The following DTD1 variants were observed in gnomAD, a reference collection of about 807,000 sequenced individuals.
DTD1 encodes the protein D-tyrosyl-tRNA deacylase 1 homolog.
DTD1 carries 13 observed loss-of-function variants against 25.6 expected under a neutral mutation model. The observed-to-expected ratio is 0.51, with a 90% CI of 0.33 to 0.81. DTD1 has a LOEUF of 0.81. Ranked by LOEUF, DTD1 falls within the 30% of genes least tolerant of loss-of-function variation. The pLI is 0.02. For missense variants in DTD1, 193 were observed against 266.4 expected (o/e 0.72, Z 1.92); for synonymous variants, 110 against 103.6 (o/e 1.06, Z -0.37).
chr20:18,655,225 G>A (rs1041462462), intron 4 of DTD1, among the ~76,000 whole-genome samples: 1 of 152,172 alleles, frequency 6.6e-6, no homozygotes, highest in Non-Finnish European at 1.5e-5. Context: ...AGAAGGTTAT[G>A]AACTCTCTTC....
intron 3 of DTD1, among the ~76,000 whole-genome samples, chr20:18,607,311 C>T (rs1353587584): frequency 6.6e-6 from 1 of 151,982 alleles, no homozygotes; most frequent in Non-Finnish European, 1.5e-5. Flanking sequence ...CAGGTGTGTG[C>T]CACCACACCT....
intron 3 of DTD1, among the ~76,000 whole-genome samples, chr20:18,608,999 G>GA (rs1354016374): frequency 1.3e-5 from 2 of 152,012 alleles, no homozygotes; most frequent in African/African-American, 4.8e-5. Flanking sequence ...AAATACATAA[G>GA]AAAAAAATTT....
At chr20:18,607,709 CTTCT>C (rs1045204727) in intron 3 of DTD1, among the ~76,000 whole-genome samples, 2 of 151,572 alleles carry the variant, frequency 1.3e-5, no homozygotes, top group Non-Finnish European at 2.9e-5. Flanking sequence ...TCTTTTTCTT[CTTCT>C]TTCTTTCTTT....
intron 3 of DTD1, among the ~76,000 whole-genome samples, chr20:18,601,263 G>T (rs1190176678): frequency 6.6e-6 from 1 of 152,118 alleles, no homozygotes; most frequent in Non-Finnish European, 1.5e-5. Flanking sequence ...GCTTTGGGAA[G>T]CCGAGGAGGT....
chr20:18,705,550 G>C (rs1250505346), intron 4 of DTD1, among the ~76,000 whole-genome samples: 1 of 152,188 alleles, frequency 6.6e-6, no homozygotes, highest in South Asian at 2.1e-4. Flanking sequence ...AGCTGGTAGT[G>C]GTGGGTGAGT....
intron 3 of DTD1, among the ~76,000 whole-genome samples, chr20:18,609,737 C>T (rs1339689019): frequency 6.6e-6 from 1 of 152,138 alleles, no homozygotes; most frequent in African/African-American, 2.4e-5. Flanking sequence ...ATGAACAGAA[C>T]ATTCCCACCT....
At chr20:18,629,038 C>T (rs2060771749) in intron 4 of DTD1, among the ~76,000 whole-genome samples, 1 of 146,046 alleles carries the variant, frequency 6.8e-6, no homozygotes, top group Admixed American at 7.1e-5. Context: ...CTCTTGTTGC[C>T]CAGGCTGGAG....
At chr20:18,740,311 T>G (rs2061272364) in intron 4 of DTD1, among the ~76,000 whole-genome samples, 1 of 151,666 alleles carries the variant, frequency 6.6e-6, no homozygotes. Context: ...CACATTTTGT[T>G]TTTTTTTTGT....
intron 2 of DTD1, among the ~76,000 whole-genome samples, 160 bp downstream of exon 2, chr20:18,593,981 G>A (rs991827140): frequency 7.2e-5 from 11 of 152,130 alleles, no homozygotes; most frequent in Non-Finnish European, 1.6e-4. Flanking sequence ...AGAGAAGACC[G>A]AGGAAGAATG....
intron 4 of DTD1, among the ~76,000 whole-genome samples, chr20:18,675,806 A>G (rs56086240): frequency 4.1e-5 from 3 of 72,770 alleles, no homozygotes; most frequent in Non-Finnish European, 1.1e-4. Flanking sequence ...ACCTATGTGT[A>G]TATTTACACA....
chr20:18,607,894 A>G (rs2060667761), intron 3 of DTD1, among the ~76,000 whole-genome samples: 3 of 151,850 alleles, frequency 2.0e-5, no homozygotes, highest in Admixed American at 1.3e-4. Context: ...TTGTATTTTT[A>G]GTAGAGAAGG....
intron 3 of DTD1, among the ~76,000 whole-genome samples, chr20:18,618,175 T>C (rs1053601697): frequency 7.2e-5 from 11 of 152,188 alleles, no homozygotes; most frequent in Non-Finnish European, 1.5e-4. Flanking sequence ...GACTACCATA[T>C]TTCTCCTAGC....
chr20:18,688,080 T>C lies in DTD1; in HGVS notation c.478-56020T>C, dbSNP rs571738329. ...TAAAACGGAATATCTCTTTATTTCTTTTAATTAATAAAACCCATGCATGGT... is the reference window on the plus strand; with the variant it reads ...TAAAACGGAATATCTCTTTATTTCTCTTAATTAATAAAACCCATGCATGGT... On this transcript the variant is annotated intron_variant, in intron 4 of 5. Transcript: ENST00000377452. Among the ~76,000 whole-genome samples the C allele has an allele frequency of 2.6e-5, 4 of 152,342 alleles. No individual in the cohort carries two copies. In the South Asian group the frequency reaches 8.3e-4, roughly 32 times the overall value.
chr20:18,728,231 A>T (rs972346807), intron 4 of DTD1, among the ~76,000 whole-genome samples: 5 of 151,922 alleles, frequency 3.3e-5, no homozygotes, highest in African/African-American at 1.2e-4. Flanking sequence ...GGCTAGCTAA[A>T]AGGTCCCCTG....
At chr20:18,723,753 A>C (rs2061213944) in intron 4 of DTD1, among the ~76,000 whole-genome samples, 1 of 152,234 alleles carries the variant, frequency 6.6e-6, no homozygotes, top group South Asian at 2.1e-4. Flanking sequence ...GAGGAAAAGG[A>C]TTTTAACCTA....
intron 4 of DTD1, among the ~76,000 whole-genome samples, chr20:18,644,129 C>T (rs576248242): frequency 8.7e-4 from 133 of 152,058 alleles, no homozygotes; most frequent in Middle Eastern, 6.8e-3. Flanking sequence ...TGCAAAATTG[C>T]TTTTTTTACA....
intron 4 of DTD1, among the ~76,000 whole-genome samples, chr20:18,676,380 G>A (rs2060974783): frequency 6.6e-6 from 1 of 152,090 alleles, no homozygotes; most frequent in Non-Finnish European, 1.5e-5. Flanking sequence ...TTGTTTATGT[G>A]GAGTTTGCCT....
At chr20:18,637,608 G>A (rs1276313631) in intron 4 of DTD1, among the ~76,000 whole-genome samples, 1 of 152,180 alleles carries the variant, frequency 6.6e-6, no homozygotes, top group Non-Finnish European at 1.5e-5. Flanking sequence ...ATCTGTCGAA[G>A]TGTTAATGGA....
At chr20:18,708,210 A>ACATATATAT (rs2061135674) in intron 4 of DTD1, among the ~76,000 whole-genome samples, 3 of 20,902 alleles carry the variant, frequency 1.4e-4, no homozygotes, top group African/African-American at 2.7e-4. Context: ...TATATATTTT[A>ACATATATAT]TATATATAAT....
Sources: allele counts gnomAD v4.1 joint callset (sites outside exome capture counted in the v4.1 genomes callset), GRCh38; gene constraint gnomAD v4.1.1; transcripts MANE v1.5; gene names NCBI Gene and HGNC (gene_info 2026-07-23, HGNC 2026-07-21).